The following MALRD1 variants were observed in gnomAD, a reference collection of about 807,000 sequenced individuals.
The protein encoded by MALRD1 is MAM and LDL-receptor class A domain-containing protein 1.
MALRD1 carries 247 observed loss-of-function variants against 242.1 expected under a neutral mutation model. That is an observed-to-expected ratio of 1.02 (90% confidence interval 0.92 to 1.13). The LOEUF (loss-of-function observed/expected upper bound fraction) is 1.13, where lower values mean the gene tolerates loss of function less well. MALRD1 is among the 50% of genes most tolerant of loss of function. The pLI, the probability that MALRD1 is intolerant of heterozygous loss-of-function variation, is 0.00. For synonymous variants in MALRD1, 995 were observed against 866.6 expected, an observed-to-expected ratio of 1.15 and a Z score of -2.60; for missense variants, 2,989 against 2,533.1, an observed-to-expected ratio of 1.18 and a Z score of -3.86.
At chr10:19,416,373 C>G (rs1437100731) in intron 28 of MALRD1, among the ~76,000 whole-genome samples, 1 of 152,178 alleles carries the variant, frequency 6.6e-6, no homozygotes, top group African/African-American at 2.4e-5. Flanking sequence ...AAGAGCACCA[C>G]AGGCCAGAAT....
intron 36 of MALRD1, among the ~76,000 whole-genome samples, chr10:19,668,380 G>A (rs986195930): frequency 2.0e-5 from 3 of 152,082 alleles, no homozygotes; most frequent in Non-Finnish European, 4.4e-5. Flanking sequence ...CCAAGAAAGG[G>A]AGGTTGGTGA....
intron 5 of MALRD1, among the ~76,000 whole-genome samples, chr10:19,111,282 G>C (rs1836671321): frequency 6.6e-6 from 1 of 152,144 alleles, no homozygotes. Flanking sequence ...GGAAAATTGT[G>C]ATCCAGTAGA....
chr10:19,327,510 C>T, intron 22 of MALRD1, 53 bp from the exon 23 acceptor site: 3 of 1,362,388 alleles, frequency 2.2e-6, no homozygotes, highest in Admixed American at 2.3e-5. Context: ...TACATGTTTG[C>T]AATTTCTCAA....
chr10:19,494,978 C>T (rs905804002), intron 30 of MALRD1, among the ~76,000 whole-genome samples: 1 of 143,822 alleles, frequency 7.0e-6, no homozygotes, highest in African/African-American at 2.6e-5. Flanking sequence ...ATAATCATCA[C>T]TTTTTTTTTT....
At chr10:19,371,097 A>AT (rs1845353481) in intron 26 of MALRD1, among the ~76,000 whole-genome samples, 1 of 149,604 alleles carries the variant, frequency 6.7e-6, no homozygotes, top group Non-Finnish European at 1.5e-5. Context: ...GAAATTAAAA[A>AT]AAAAAAAAAA....
chr10:19,616,620 A>G (rs781147706), intron 36 of MALRD1, among the ~76,000 whole-genome samples: 15 of 152,028 alleles, frequency 9.9e-5, no homozygotes, highest in Non-Finnish European at 1.6e-4. Flanking sequence ...CACTTTCCTT[A>G]TTAGAAAACT....
intron 18 of MALRD1, among the ~76,000 whole-genome samples, chr10:19,257,242 T>C (rs1839554857): frequency 6.6e-6 from 1 of 152,062 alleles, no homozygotes; most frequent in African/African-American, 2.4e-5. Context: ...CTGTATATCC[T>C]AGCAAGTAAC....
chr10:19,312,752 G>A (rs1346799014), intron 21 of MALRD1, among the ~76,000 whole-genome samples: 1 of 151,282 alleles, frequency 6.6e-6, no homozygotes, highest in African/African-American at 2.4e-5. Flanking sequence ...GCTGTATGCT[G>A]ATTTTAGATG....
At position 19,511,151 on chromosome 10, in the gene MALRD1, G is replaced by A. The variant is rs566276118; in HGVS notation, c.5320+12505G>A. 5.3e-5 allele frequency among the ~76,000 whole-genome samples: 8 copies of A among 152,250 alleles called. No homozygotes were observed. In the South Asian group the frequency reaches 1.7e-3, roughly 32 times the overall value. On this transcript the variant is annotated intron_variant, in intron 31 of 39. Coordinates refer to ENST00000454679, the MANE Select transcript of MALRD1 (RefSeq NM_001142308.3). ...GGAAAGGAGTGTTCTACCCAAAGAT[G>A]CTCATTTACAGCTAGAAAAAATCTT...
rs986311448 is a variant in MALRD1 at position 19,156,742 on chromosome 10, T to C, written c.1656+1570T>C. Among the ~76,000 whole-genome samples, 3 of 152,158 alleles carry C rather than the reference T, an allele frequency of 2.0e-5. No homozygotes were observed. The East Asian group carries it at 5.8e-4, about 29-fold the overall frequency. Reference sequence around the variant, plus strand: ...TTTAAAAGGTAATCTACCTTTCCCATCATTGTATGCTTCCTGATAGCCATT... The same window carrying C: ...TTTAAAAGGTAATCTACCTTTCCCACCATTGTATGCTTCCTGATAGCCATT... On this transcript the variant is annotated intron_variant, in intron 12 of 39. Coordinates refer to ENST00000454679, the MANE Select transcript of MALRD1 (RefSeq NM_001142308.3).
Position 19,387,668 on chromosome 10 carries a change from T to C in MALRD1, c.4582T>C (p.Cys1528Arg), listed in dbSNP as rs1846143564. The C allele has an allele frequency of 7.7e-6, 12 of 1,550,408 alleles. No homozygotes were observed. Among genetic ancestry groups the C allele is most frequent in the Non-Finnish European group, 9.6e-6 (11 of 1,146,898 alleles). Residue 1528 changes from cysteine to arginine, a missense_variant, in exon 27 of 40, where the codon TGT becomes CGT. By Grantham distance (180) the Cys-to-Arg change is radical. Coordinates refer to ENST00000454679, the MANE Select transcript of MALRD1 (RefSeq NM_001142308.3). Reference protein sequence around the residue: ...GSSCTFEKGWCGWQNSQADNF... With the variant: ...GSSCTFEKGWRGWQNSQADNF... ...CTCCTGTACTTTTGAAAAAGGCTGG[T>C]GTGGCTGGCAAAACTCCCAGGCTGA...
At position 19,203,584 on chromosome 10, in the gene MALRD1, T is replaced by G. The variant is rs553619540; in HGVS notation, c.1952-144T>G. 1.4e-5 allele frequency: 11 copies of G among 779,514 alleles called. No homozygotes were observed. The South Asian group carries it at 4.0e-4, about 28-fold the overall frequency. The allele number at this position is 779,514 out of a possible 1,614,324, so 48.3% of individuals were successfully genotyped here. A position where few individuals can be genotyped will look rare whatever the true frequency, so the allele number is the denominator to read the frequency against. On this transcript the variant is annotated intron_variant, in intron 14 of 39. Coordinates refer to ENST00000454679, the MANE Select transcript of MALRD1 (RefSeq NM_001142308.3). The stretch of plus-strand genomic sequence containing the variant: ...CCATTTTTGCAAATGAGAAAGGATC[T>G]TTTTTATTTTCTGAAATGTGTCCCT...
intron 36 of MALRD1, among the ~76,000 whole-genome samples, chr10:19,686,391 C>T (rs193007829): frequency 2.6e-5 from 4 of 152,140 alleles, no homozygotes; most frequent in Admixed American, 6.5e-5. Flanking sequence ...TGCAGTTGTG[C>T]GCATGCTCAC....
intron 33 of MALRD1, among the ~76,000 whole-genome samples, chr10:19,578,571 A>G (rs1836945029): frequency 6.6e-6 from 1 of 152,134 alleles, no homozygotes; most frequent in South Asian, 2.1e-4. Flanking sequence ...GCATGCCTGT[A>G]ATCTCAACTA....
intron 22 of MALRD1, among the ~76,000 whole-genome samples, chr10:19,324,757 T>C (rs1424471613): frequency 2.0e-5 from 3 of 151,998 alleles, no homozygotes; most frequent in Non-Finnish European, 4.4e-5. Flanking sequence ...ACTTGATATT[T>C]TAAAAGCCCA....
chr10:19,438,971 G>C (rs1435508427), intron 28 of MALRD1, among the ~76,000 whole-genome samples: 1 of 152,086 alleles, frequency 6.6e-6, no homozygotes, highest in African/African-American at 2.4e-5. Flanking sequence ...TGAATCCGCT[G>C]GCTGTTTACT....
At position 19,160,240 on chromosome 10, in the gene MALRD1, C is replaced by T. The variant is rs998707330; in HGVS notation, c.1656+5068C>T. 9.9e-5 allele frequency among the ~76,000 whole-genome samples: 15 copies of T among 151,146 alleles called. No individual in the cohort carries two copies. In the East Asian group the frequency reaches 2.9e-3, roughly 30 times the overall value. On this transcript the variant is annotated intron_variant, in intron 12 of 39. Coordinates refer to ENST00000454679, the MANE Select transcript of MALRD1 (RefSeq NM_001142308.3). ...ATAATCATGTGGTTTTTGTCTTTGG[C>T]TCTGTTTATATGCTGGATTACATTT...
chr10:19,685,161 T>G (rs1842530479), intron 36 of MALRD1, among the ~76,000 whole-genome samples: 1 of 152,234 alleles, frequency 6.6e-6, no homozygotes, highest in Non-Finnish European at 1.5e-5. Context: ...TGCACATTTT[T>G]TACTTTCTAG....
intron 21 of MALRD1, among the ~76,000 whole-genome samples, chr10:19,302,293 C>T (rs577981123): frequency 6.6e-6 from 1 of 151,810 alleles, no homozygotes; most frequent in East Asian, 1.9e-4. Context: ...AGGTGTATAC[C>T]TGAAGAAGTG....
Sources: allele counts gnomAD v4.1 joint callset (sites outside exome capture counted in the v4.1 genomes callset), GRCh38; gene constraint gnomAD v4.1.1; transcripts MANE v1.5; gene names NCBI Gene and HGNC (gene_info 2026-07-23, HGNC 2026-07-21).